Variants in MYO9A observed in about 807,000 individuals in gnomAD.
MYO9A encodes unconventional myosin-IXa.
A neutral mutation model predicts 293.3 loss-of-function variants in MYO9A; 103 were observed. That is an observed-to-expected ratio of 0.35 (90% CI 0.30 to 0.41). The LOEUF (loss-of-function observed/expected upper bound fraction) is 0.41. MYO9A is among the 10% of genes least tolerant of loss of function. MYO9A has a pLI of 1.00. For synonymous variants in MYO9A, 1,001 were observed against 1,035.7 expected, an observed-to-expected ratio of 0.97 and a Z score of 0.64; for missense variants, 2,685 against 3,033.0, an observed-to-expected ratio of 0.89 and a Z score of 2.69.
intron 14 of MYO9A, among the ~76,000 whole-genome samples, chr15:71,956,324 A>T (rs1186424146): frequency 0.048 from 533 of 11,152 alleles, 5 homozygotes; most frequent in Middle Eastern, 0.12. Context: ...AAAAAAAAAA[A>T]AAAAAAATAT....
intron 1 of MYO9A, among the ~76,000 whole-genome samples, chr15:72,068,290 A>G (rs1359613773): frequency 6.6e-6 from 1 of 152,094 alleles, no homozygotes; most frequent in African/African-American, 2.4e-5. Context: ...TTATTTTACT[A>G]ATTTTTTTAA....
chr15:72,062,337 C>T (rs2078901490), intron 1 of MYO9A, among the ~76,000 whole-genome samples: 1 of 152,190 alleles, frequency 6.6e-6, no homozygotes, highest in African/African-American at 2.4e-5. Flanking sequence ...TCCAGGAAAA[C>T]ATGACCTCAC....
At chr15:72,103,865 GGGGGA>G (rs1567045285) in intron 1 of MYO9A, among the ~76,000 whole-genome samples, 1 of 152,182 alleles carries the variant, frequency 6.6e-6, no homozygotes, top group Non-Finnish European at 1.5e-5. Context: ...CTCCACTGAG[GGGGGA>G]TATGTTGACA....
Position 71,901,307 on chromosome 15 carries a change from G to T in MYO9A, c.3034C>A (p.Gln1012Lys), listed in dbSNP as rs1353648788. The change falls in exon 23 of 42, where the codon CAA (glutamine) becomes AAA (lysine). Residue 1012 changes from glutamine to lysine, a missense_variant. Coordinates refer to ENST00000356056, the MANE Select transcript of MYO9A (RefSeq NM_006901.4). ...AGCACCTCTTGGTGAAGCAGATCTT[G>T]TAAGTGCTGTCGTTCCTGCTCCTTT... ...FLKEQERQHLQDLLHQEVLRR... is the reference protein window; with the variant it reads ...FLKEQERQHLKDLLHQEVLRR... 1 of 1,613,880 alleles carries T rather than the reference G, an allele frequency of 6.2e-7. No individual in the cohort carries two copies. Among genetic ancestry groups the T allele is most frequent in the South Asian group, 1.1e-5 (1 of 91,042 alleles).
In MYO9A at chr15:71,960,008, A is replaced by G. The variant is rs781440629; in HGVS notation, c.2075T>C (p.Ile692Thr). 3.1e-6 allele frequency: 5 copies of G among 1,614,148 alleles called. No individual in the cohort carries two copies. Among genetic ancestry groups the G allele is most frequent in the Non-Finnish European group, 4.2e-6 (5 of 1,180,006 alleles). The part of the protein sequence containing the change: ...SSKNAFISGM[I>T]GIDPVAVFRW... Reference sequence around the variant, plus strand: ...GAAAACAGCTACAGGATCAATTCCAATCATCCCAGAGATAAATGCATTCTT... The same window carrying G: ...GAAAACAGCTACAGGATCAATTCCAGTCATCCCAGAGATAAATGCATTCTT... The change falls in exon 14 of 42, where the codon ATT (isoleucine) becomes ACT (threonine). Residue 692 changes from isoleucine to threonine, a missense_variant. Around this residue, in one of 10 missense-constraint regions of MYO9A, gnomAD observed 201 missense variants for 245.2 expected, o/e 0.82. Transcript: ENST00000356056.
At chr15:72,033,411 T>C (rs916240647) in intron 2 of MYO9A, among the ~76,000 whole-genome samples, 1 of 152,112 alleles carries the variant, frequency 6.6e-6, no homozygotes, top group Admixed American at 6.5e-5. Context: ...AGAGTACTCA[T>C]TACAAAAGAA....
chr15:71,994,291 T>C (rs2076632812), intron 10 of MYO9A, among the ~76,000 whole-genome samples, 178 bp downstream of exon 10: 1 of 152,144 alleles, frequency 6.6e-6, no homozygotes, highest in African/African-American at 2.4e-5. Flanking sequence ...AAACACATAA[T>C]AAAAAAGGTC....
At chr15:71,952,023 A>C in intron 14 of MYO9A, 127 bp from the exon 15 acceptor site, 1 of 994,902 alleles carries the variant, frequency 1.0e-6, no homozygotes, top group Admixed American at 3.4e-5. Context: ...AATGTATCAA[A>C]TAATAGAGGT....
At chr15:72,064,651 T>C (rs1234193521) in intron 1 of MYO9A, among the ~76,000 whole-genome samples, 2 of 152,124 alleles carry the variant, frequency 1.3e-5, no homozygotes, top group Non-Finnish European at 2.9e-5. Context: ...TCAGTTAAAA[T>C]GAATTTTAAA....
intron 6 of MYO9A, among the ~76,000 whole-genome samples, chr15:72,014,214 T>C (rs561112164): frequency 6.6e-6 from 1 of 152,362 alleles, no homozygotes; most frequent in East Asian, 1.9e-4. Flanking sequence ...CCTATGGTGG[T>C]GAAGCTTGTT....
intron 12 of MYO9A, among the ~76,000 whole-genome samples, chr15:71,968,429 C>A (rs2075931195): frequency 6.6e-6 from 1 of 152,120 alleles, no homozygotes; most frequent in South Asian, 2.1e-4. Flanking sequence ...GTGTTCTGAA[C>A]TACTATAAAA....
chr15:71,945,229 G>C (rs922098777), intron 15 of MYO9A, among the ~76,000 whole-genome samples: 1 of 152,110 alleles, frequency 6.6e-6, no homozygotes, highest in Non-Finnish European at 1.5e-5. Flanking sequence ...CTCAACATTG[G>C]AATGAAGGAT....
intron 9 of MYO9A, chr15:71,998,926 G>C (rs2076786330): frequency 6.6e-6 from 1 of 152,076 alleles, no homozygotes; most frequent in African/African-American, 2.4e-5. Flanking sequence ...TTTTATGGCT[G>C]CATAGTATTC....
intron 1 of MYO9A, among the ~76,000 whole-genome samples, chr15:72,048,195 T>C (rs1418521734): frequency 6.6e-6 from 1 of 150,540 alleles, no homozygotes; most frequent in Non-Finnish European, 1.5e-5. Flanking sequence ...AGGTCAGGAG[T>C]TCGAGATCAG....
intron 25 of MYO9A, among the ~76,000 whole-genome samples, chr15:71,896,582 C>A (rs549960975): frequency 1.4e-4 from 22 of 152,068 alleles, no homozygotes; most frequent in African/African-American, 5.3e-4. Flanking sequence ...GAGTTCGAGA[C>A]CAGCCTGACA....
chr15:72,064,440 C>T (rs1015160308), intron 1 of MYO9A, among the ~76,000 whole-genome samples: 4 of 152,086 alleles, frequency 2.6e-5, no homozygotes, highest in African/African-American at 9.7e-5. Context: ...TAAATATATA[C>T]AACTACTATG....
At position 72,046,154 on chromosome 15, in the gene MYO9A, C is replaced by T. The variant is rs941334805; in HGVS notation, c.410G>A (p.Arg137Gln). ...VTEERRRMMERGFLPQPQQKD... is the reference protein window; with the variant it reads ...VTEERRRMMEQGFLPQPQQKD... ...CTGTTGAGGCTGTGGAAGAAAACCC[C>T]GTTCCATCATCCTGCGACGTTCTTC... Residue 137 changes from arginine (R) to glutamine (Q), a missense_variant, in exon 2 of 42, where the codon CGG becomes CAG. Arg to Gln is a conservative substitution (Grantham distance 43). Coordinates refer to ENST00000356056, the MANE Select transcript of MYO9A (RefSeq NM_006901.4). 16 of 1,613,978 alleles carry T rather than the reference C, an allele frequency of 9.9e-6. No homozygotes were observed. Among genetic ancestry groups the T allele is most frequent in the Middle Eastern group, 3.3e-4 (2 of 6,084 alleles).
Position 71,897,759 on chromosome 15 carries a change from C to T in MYO9A, c.4744G>A (p.Ala1582Thr). 1 of 1,614,080 alleles carries T rather than the reference C, an allele frequency of 6.2e-7. No individual in the cohort carries two copies. Among genetic ancestry groups the T allele is most frequent in the Non-Finnish European group, 8.5e-7 (1 of 1,180,028 alleles). ...GAACTGTCTTTTTGGGCAAGAGCTG[C>T]ATCTTTTAATGATAGGGACCCCAGT... ...NVLGSLSLKD[A>T]ALAQKDSSSA... is the part of the protein sequence containing the mutation. Residue 1582 changes from alanine (A) to threonine (T), a missense_variant, in exon 25 of 42, where the codon GCA becomes ACA. Physicochemically the swap from Ala to Thr is moderately conservative, Grantham distance 58. Transcript: ENST00000356056.
At chr15:72,084,967 C>T (rs1190327750) in intron 1 of MYO9A, among the ~76,000 whole-genome samples, 1 of 152,108 alleles carries the variant, frequency 6.6e-6, no homozygotes, top group Non-Finnish European at 1.5e-5. Context: ...CTACATAATC[C>T]CGTATTTCTT....
Sources: gnomAD v4.1 joint callset for allele counts (sites outside exome capture counted in the v4.1 genomes callset) on GRCh38, gnomAD v4.1.1 for gene constraint, gnomAD v4.1.1 regional missense constraint, MANE v1.5 for transcripts, NCBI Gene and HGNC (gene_info 2026-07-23, HGNC 2026-07-21) for gene names.